Variants in PTK2 observed in about 807,000 individuals in gnomAD.
PTK2 encodes protein tyrosine kinase 2.
In PTK2, 45 loss-of-function variants were observed where a neutral mutation model predicts 150.1. The ratio of observed to expected loss-of-function variants is 0.30; its 90% CI spans 0.24 to 0.38. The LOEUF is 0.38. Among genes scored for constraint, PTK2 ranks in the 10% least tolerant of loss-of-function variants. PTK2 has a pLI of 1.00. For synonymous variants in PTK2, 432 were observed against 449.2 expected, an observed-to-expected ratio of 0.96 and a Z score of 0.48; for missense variants, 919 against 1,307.3, an observed-to-expected ratio of 0.70 and a Z score of 4.58.
upstream of PTK2, chr8:141,001,389 CGGGGG>C (rs2100200218): frequency 6.6e-6 from 1 of 150,660 alleles, no homozygotes; most frequent in Admixed American, 6.6e-5. Context: ...TCCCGCCTCT[CGGGGG>C]GACTGGGCAT....
intron 31 of PTK2, chr8:140,662,597 C>T (rs1383744046): frequency 4.5e-6 from 2 of 440,802 alleles, no homozygotes; most frequent in African/African-American, 4.0e-5. Context: ...AGTCACAGGC[C>T]TTCTCAAAAA....
intron 21 of PTK2, 53 bp downstream of exon 24, chr8:140,738,965 A>G (rs2100054122): frequency 1.7e-6 from 2 of 1,189,722 alleles, no homozygotes; most frequent in Non-Finnish European, 2.3e-6. Flanking sequence ...TTTTTTTTGT[A>G]TAACATATGA....
chr8:140,826,307 ACC>A (rs943881267), intron 8 of PTK2, among the ~76,000 whole-genome samples: 22 of 152,272 alleles, frequency 1.4e-4, no homozygotes, highest in African/African-American at 4.3e-4. Context: ...TATAGTTGTT[ACC>A]CCCATGAGCA....
chr8:140,950,822 A>G (rs1466280620), intron 1 of PTK2, among the ~76,000 whole-genome samples: 2 of 152,174 alleles, frequency 1.3e-5, no homozygotes, highest in African/African-American at 4.8e-5. Flanking sequence ...TGTATATGAG[A>G]GGACATACAT....
intron 31 of PTK2, among the ~76,000 whole-genome samples, 172 bp downstream of exon 35, chr8:140,664,745 A>C (rs958891539): frequency 6.6e-6 from 1 of 152,164 alleles, no homozygotes; most frequent in African/African-American, 2.4e-5. Context: ...CCTAGAATGA[A>C]CAGCCCCGTC....
chr8:140,718,240 C>T, intron 22 of PTK2: 1 of 153,942 alleles, frequency 6.5e-6, no homozygotes, highest in East Asian at 1.9e-4. Context: ...AAAAACACAA[C>T]AGTATTTACA....
intron 27 of PTK2, among the ~76,000 whole-genome samples, chr8:140,682,736 C>T (rs533081232): frequency 1.8e-4 from 27 of 151,698 alleles, no homozygotes; most frequent in South Asian, 4.2e-4. Flanking sequence ...CATATGATTA[C>T]GTGGAAATTA....
chr8:140,850,685 G>A (rs530911448), intron 5 of PTK2, among the ~76,000 whole-genome samples: 3 of 152,100 alleles, frequency 2.0e-5, no homozygotes, highest in Admixed American at 6.5e-5. Context: ...AGCCGTGATC[G>A]TGTCACTGCA....
intron 29 of PTK2, chr8:140,669,515 A>G (rs1039064635): frequency 1.9e-6 from 1 of 535,134 alleles, no homozygotes; most frequent in South Asian, 3.1e-5. Flanking sequence ...ATAGAAAAGC[A>G]CAAGAATAAT....
At chr8:140,662,251 G>A (rs1434439370) in intron 31 of PTK2, among the ~76,000 whole-genome samples, 1 of 151,702 alleles carries the variant, frequency 6.6e-6, no homozygotes, top group African/African-American at 2.4e-5. Flanking sequence ...GAGCTGTGAT[G>A]GAGTCACTGC....
intron 26 of PTK2, among the ~76,000 whole-genome samples, chr8:140,699,019 T>C (rs1427177114): frequency 1.3e-5 from 2 of 150,864 alleles, no homozygotes; most frequent in Non-Finnish European, 3.0e-5. Flanking sequence ...TCTGCCCACC[T>C]TGGCCTCCCA....
chr8:140,872,548 G>A (rs749897423), intron 4 of PTK2, among the ~76,000 whole-genome samples: 5 of 152,166 alleles, frequency 3.3e-5, no homozygotes, highest in Admixed American at 1.3e-4. Context: ...GGACTGACTG[G>A]GGAAGCGCTG....
intron 10 of PTK2, among the ~76,000 whole-genome samples, chr8:140,808,852 C>T (rs929811768): frequency 5.3e-5 from 8 of 150,776 alleles, no homozygotes; most frequent in African/African-American, 2.0e-4. Flanking sequence ...TCTCCTGCCT[C>T]GGTGTCCTGA....
intron 21 of PTK2, among the ~76,000 whole-genome samples, chr8:140,737,382 C>T (rs375818166): frequency 3.4e-4 from 52 of 152,294 alleles, no homozygotes; most frequent in Middle Eastern, 3.4e-3. Context: ...GCATTACAGG[C>T]ATGAGCCACC....
intron 1 of PTK2, among the ~76,000 whole-genome samples, chr8:140,974,199 C>A (rs923387195): frequency 1.3e-5 from 2 of 152,192 alleles, no homozygotes; most frequent in Non-Finnish European, 2.9e-5. Context: ...GGCGGCCACC[C>A]TGCTTCTCCT....
intron 26 of PTK2, among the ~76,000 whole-genome samples, chr8:140,694,282 C>T (rs2100025110): frequency 6.6e-6 from 1 of 152,084 alleles, no homozygotes; most frequent in Non-Finnish European, 1.5e-5. Flanking sequence ...ACCTCGTGAT[C>T]CGTCTGCCTC....
At chr8:140,773,211 A>G (rs1179525404) in intron 14 of PTK2, among the ~76,000 whole-genome samples, 1 of 152,242 alleles carries the variant, frequency 6.6e-6, no homozygotes, top group Non-Finnish European at 1.5e-5. Flanking sequence ...TAAAAACAAA[A>G]ACAAAAAGGA....
intron 22 of PTK2, among the ~76,000 whole-genome samples, chr8:140,732,130 GA>G (rs1237024787): frequency 1.3e-5 from 2 of 151,798 alleles, no homozygotes; most frequent in African/African-American, 4.8e-5. Context: ...TAAAAATTTT[GA>G]AAAAAATTAA....
exon 30 of PTK2, chr8:140,668,374 C>T (rs370475701): frequency 1.6e-4 from 254 of 1,613,836 alleles, no homozygotes; most frequent in Non-Finnish European, 2.0e-4. Flanking sequence ...CCTTATCATT[C>T]GACCGGTCCA....
Sources: gnomAD v4.1 joint callset for allele counts (sites outside exome capture counted in the v4.1 genomes callset) on GRCh38, gnomAD v4.1.1 for gene constraint, MANE v1.5 for transcripts, NCBI Gene and HGNC (gene_info 2026-07-23, HGNC 2026-07-21) for gene names.